Variants in GLMN observed in about 807,000 individuals in gnomAD.
The protein encoded by GLMN is glomulin, FKBP associated protein.
GLMN carries 75 observed loss-of-function variants against 87.8 expected under a neutral mutation model. The observed-to-expected ratio is 0.85, with a 90% CI of 0.71 to 1.04. GLMN has a LOEUF of 1.04. Ranked by LOEUF, GLMN falls within the 50% of genes least tolerant of loss-of-function variation. The pLI, the probability that GLMN is intolerant of heterozygous loss-of-function variation, is 0.00. For synonymous variants in GLMN, 206 were observed against 221.6 expected (o/e 0.93, Z 0.63); for missense variants, 588 against 658.8 (o/e 0.89, Z 1.18).
chr1:92,247,804 A>C, intron 17 of GLMN, 74 bp downstream of exon 17: 1 of 746,096 alleles, frequency 1.3e-6, no homozygotes, highest in Non-Finnish European at 2.5e-6. Context: ...AAAAGTTCTT[A>C]AATTTGAATA....
intron 16 of GLMN, among the ~76,000 whole-genome samples, chr1:92,248,703 C>T (rs982549550): frequency 1.3e-5 from 2 of 152,116 alleles, no homozygotes; most frequent in African/African-American, 4.8e-5. Flanking sequence ...TAATGAACTA[C>T]TTGATAACCT....
chr1:92,336,425 C>T, the GLMN span: 1 of 1,581,348 alleles, frequency 6.3e-7, no homozygotes, highest in Non-Finnish European at 8.7e-7. Flanking sequence ...TTCGAACTTT[C>T]AGGTTAGTGT....
At chr1:92,329,613 A>C in the GLMN span, among the ~76,000 whole-genome samples, 1 of 152,128 alleles carries the variant, frequency 6.6e-6, no homozygotes, top group Non-Finnish European at 1.5e-5. Context: ...TCATGATGGG[A>C]GTCTCCACAT....
chr1:92,323,726 A>C, the GLMN span: 3 of 1,614,180 alleles, frequency 1.9e-6, no homozygotes, highest in Non-Finnish European at 2.5e-6. Context: ...ACAGTAGTAG[A>C]TGTCACTGAG....
At chr1:92,348,141 G>A in the GLMN span, among the ~76,000 whole-genome samples, 1,147 of 152,182 alleles carry the variant, frequency 7.5e-3, 15 homozygotes, top group African/African-American at 0.026. Flanking sequence ...CACCCGCCTC[G>A]GCCTCCCAAA....
At chr1:92,361,001 C>T in the GLMN span, among the ~76,000 whole-genome samples, 2 of 151,636 alleles carry the variant, frequency 1.3e-5, no homozygotes, top group Non-Finnish European at 2.9e-5. Flanking sequence ...CTTTTACCTT[C>T]CCCTGCCTTC....
chr1:92,334,346 A>G, the GLMN span, among the ~76,000 whole-genome samples: 1 of 152,142 alleles, frequency 6.6e-6, no homozygotes, highest in African/African-American at 2.4e-5. Flanking sequence ...GAACCAACCA[A>G]TTGTAAAAAG....
chr1:92,249,729 TTTATC>T (rs1653196895), intron 16 of GLMN, among the ~76,000 whole-genome samples: 1 of 152,098 alleles, frequency 6.6e-6, no homozygotes, highest in Non-Finnish European at 1.5e-5. Context: ...CAGCTTGTCT[TTTATC>T]TAACTCTTTT....
intron 3 of GLMN, among the ~76,000 whole-genome samples, chr1:92,295,894 T>A (rs1649990262): frequency 6.6e-6 from 1 of 152,224 alleles, no homozygotes; most frequent in Non-Finnish European, 1.5e-5. Context: ...AATTTTTTTA[T>A]TATTAGCTGA....
At chr1:92,294,784 T>C (rs1649827017) in intron 3 of GLMN, among the ~76,000 whole-genome samples, 1 of 151,850 alleles carries the variant, frequency 6.6e-6, no homozygotes. Context: ...GTTCAAGCAA[T>C]CCCCCCATCT....
chr1:92,366,102 T>C, the GLMN span, among the ~76,000 whole-genome samples: 1 of 152,242 alleles, frequency 6.6e-6, no homozygotes, highest in African/African-American at 2.4e-5. Flanking sequence ...AGAAGCTCTC[T>C]AGCTCCAATT....
Position 92,246,463 on chromosome 1 carries a change from A to G in GLMN, c.*67T>C. 1.3e-6 allele frequency: 1 copy of G among 741,796 alleles called. No individual in the cohort carries two copies. Among genetic ancestry groups the G allele is most frequent in the Non-Finnish European group, 2.3e-6 (1 of 425,852 alleles). The allele number at this position is 741,796 out of a possible 1,614,324, so 46.0% of individuals were successfully genotyped here. On this transcript the variant is annotated 3_prime_UTR_variant, in exon 19 of 19. Transcript: ENST00000370360. ...AATTTTTACAGAAAAATTTTTTATAAAGGTATTAAATGAATCATAATGGAA... is the reference window on the plus strand; with the variant it reads ...AATTTTTACAGAAAAATTTTTTATAGAGGTATTAAATGAATCATAATGGAA...
the GLMN span, among the ~76,000 whole-genome samples, chr1:92,338,691 C>T: frequency 2.0e-5 from 3 of 148,068 alleles, no homozygotes; most frequent in South Asian, 2.1e-4. Flanking sequence ...TGCTCAGTTG[C>T]CCAGGCTGGA....
intron 3 of GLMN, among the ~76,000 whole-genome samples, chr1:92,293,179 T>C (rs1649617520): frequency 6.6e-6 from 1 of 152,070 alleles, no homozygotes; most frequent in South Asian, 2.1e-4. Context: ...CCAAAAGGCA[T>C]ACAAATGGCA....
chr1:92,297,343 AT>A, intron 3 of GLMN, 60 bp downstream of exon 3: 2 of 1,592,210 alleles, frequency 1.3e-6, no homozygotes, highest in Non-Finnish European at 1.7e-6. Flanking sequence ...GACTGGATGA[AT>A]AGCATCATGT....
At chr1:92,276,854 A>G (rs1647357001) in intron 7 of GLMN, among the ~76,000 whole-genome samples, 1 of 152,190 alleles carries the variant, frequency 6.6e-6, no homozygotes, top group South Asian at 2.1e-4. Context: ...CAAAATGTTC[A>G]TAATTATTGA....
chr1:92,299,058 CA>C (rs1019124423), upstream of GLMN: 4 of 1,449,350 alleles, frequency 2.8e-6, no homozygotes, highest in Admixed American at 7.2e-5. Context: ...CCCCGTCCGG[CA>C]GACTACTCTC....
the GLMN span, among the ~76,000 whole-genome samples, chr1:92,316,466 T>TAAATATGTACATATATCC: frequency 6.6e-6 from 1 of 152,220 alleles, no homozygotes; most frequent in South Asian, 2.1e-4. Flanking sequence ...CACATATATA[T>TAAATATGTACATATATCC]AAATATGTAC....
the GLMN span, among the ~76,000 whole-genome samples, chr1:92,335,132 T>C: frequency 2.0e-5 from 3 of 152,136 alleles, no homozygotes; most frequent in Non-Finnish European, 4.4e-5. Context: ...CCATAGTGGG[T>C]GTACTAATTT....
Sources: allele counts gnomAD v4.1 joint callset (sites outside exome capture counted in the v4.1 genomes callset), GRCh38; gene constraint gnomAD v4.1.1; transcripts MANE v1.5; gene names NCBI Gene and HGNC (gene_info 2026-07-23, HGNC 2026-07-21).